Variants in SLC9C1 observed in about 807,000 individuals in gnomAD.
SLC9C1 encodes the protein solute carrier family 9 member C1.
A neutral mutation model predicts 140.9 loss-of-function variants in SLC9C1; 97 were observed. The ratio of observed to expected loss-of-function variants is 0.69; its 90% CI spans 0.58 to 0.82. SLC9C1 has a LOEUF of 0.82. Among genes scored for constraint, SLC9C1 ranks in the 40% least tolerant of loss-of-function variants. The pLI is 0.00. For missense variants in SLC9C1, 1,340 were observed against 1,389.3 expected (o/e 0.96, Z 0.56); for synonymous variants, 440 against 442.6 (o/e 0.99, Z 0.07).
intron 12 of SLC9C1, among the ~76,000 whole-genome samples, chr3:112,236,416 A>C (rs1343980583): frequency 6.6e-6 from 1 of 152,084 alleles, no homozygotes; most frequent in Non-Finnish European, 1.5e-5. Flanking sequence ...TTTTCAAAAA[A>C]CCAGCTCCTG....
chr3:112,268,669 G>A (rs926928009), intron 7 of SLC9C1, among the ~76,000 whole-genome samples: 9 of 152,126 alleles, frequency 5.9e-5, no homozygotes, highest in African/African-American at 2.2e-4. Context: ...TTTTCTATAT[G>A]ATATAAAATG....
At chr3:112,207,746 C>G (rs2078095553) in intron 16 of SLC9C1, among the ~76,000 whole-genome samples, 2 of 152,118 alleles carry the variant, frequency 1.3e-5, no homozygotes, top group Non-Finnish European at 2.9e-5. Context: ...GAATACCTTC[C>G]TTCTCCGACC....
intron 15 of SLC9C1, among the ~76,000 whole-genome samples, chr3:112,210,613 C>T (rs1185648911): frequency 6.6e-6 from 1 of 152,168 alleles, no homozygotes; most frequent in African/African-American, 2.4e-5. Context: ...CTAAATTATA[C>T]ACTTTAAAAT....
At position 112,286,854 on chromosome 3, in the gene SLC9C1, GT is replaced by G; in HGVS notation, c.-64del. ...CAATCTCCATATGATCATCCATCTT[GT>G]TGTTTTTCACAGTCCATCTGAATCT... is the stretch of plus-strand genomic sequence containing the variant. On this transcript the variant is annotated 5_prime_UTR_variant, in exon 2 of 29. An upstream open reading frame in the 5' UTR loses its in-frame stop. Transcript: ENST00000305815. The G allele has an allele frequency of 1.7e-6, 2 of 1,178,542 alleles. No homozygotes were observed. Among genetic ancestry groups the G allele is most frequent in the Non-Finnish European group, 2.4e-6 (2 of 826,860 alleles). 73.0% of individuals were successfully genotyped at this position (1,178,542 alleles called of 1,614,324 possible).
At chr3:112,200,266 C>T (rs1206575093) in intron 19 of SLC9C1, among the ~76,000 whole-genome samples, 1 of 152,112 alleles carries the variant, frequency 6.6e-6, no homozygotes, top group African/African-American at 2.4e-5. Flanking sequence ...GGCCTCCCAG[C>T]AGATATAACA....
chr3:112,219,402 A>G (rs1023407478), intron 14 of SLC9C1, among the ~76,000 whole-genome samples: 1 of 152,186 alleles, frequency 6.6e-6, no homozygotes, highest in African/African-American at 2.4e-5. Flanking sequence ...ACTGGCATAT[A>G]TTGGTAATAT....
chr3:112,263,368 A>G (rs991414447), intron 9 of SLC9C1, among the ~76,000 whole-genome samples: 5 of 151,920 alleles, frequency 3.3e-5, no homozygotes, highest in Admixed American at 3.3e-4. Context: ...CTTCAGGAGG[A>G]AAAAGAAAAG....
intron 26 of SLC9C1, among the ~76,000 whole-genome samples, chr3:112,157,680 T>G (rs6796926): frequency 0.99 from 150,050 of 151,924 alleles, 74,133 homozygotes; most frequent in East Asian, 1. Context: ...TTTTTTGTGT[T>G]CCTTCTTTGA....
chr3:112,293,470 T>C (rs2080749445), intron 1 of SLC9C1, among the ~76,000 whole-genome samples: 1 of 152,198 alleles, frequency 6.6e-6, no homozygotes, highest in Non-Finnish European at 1.5e-5. Context: ...AACAGTCTTC[T>C]TCCTTCAGAT....
At chr3:112,191,046 A>G (rs1217213520) in intron 20 of SLC9C1, among the ~76,000 whole-genome samples, 2 of 151,956 alleles carry the variant, frequency 1.3e-5, no homozygotes, top group Non-Finnish European at 2.9e-5. Context: ...TTTCATTATA[A>G]CATTTGTATA....
rs373812557 is a variant in SLC9C1, at chr3:112,206,648, G to A, written c.1986+1530C>T. On this transcript the variant is annotated intron_variant, in intron 16 of 28. Transcript: ENST00000305815. ...GAAAATGTGGCCCATATACACCATG[G>A]AATACTACGCAGCCATAAAAAAGGA... is the stretch of plus-strand genomic sequence containing the variant. Among the ~76,000 whole-genome samples the A allele has an allele frequency of 7.4e-4, 113 of 152,208 alleles. 1 individual carries two copies. The highest frequency in any genetic ancestry group is 4.2e-3 in the East Asian group (22 of 5,186).
chr3:112,212,093 CAG>C (rs1354046394), intron 15 of SLC9C1, among the ~76,000 whole-genome samples: 1 of 152,234 alleles, frequency 6.6e-6, no homozygotes, highest in African/African-American at 2.4e-5. Flanking sequence ...CCCAGGCAAA[CAG>C]GGTCTGGAGT....
intron 28 of SLC9C1, among the ~76,000 whole-genome samples, chr3:112,148,762 TGGG>T (rs1317845208): frequency 1.3e-5 from 2 of 152,058 alleles, no homozygotes; most frequent in Non-Finnish European, 2.9e-5. Flanking sequence ...CTTGAGGGGA[TGGG>T]GAGTAGGAGC....
At chr3:112,193,787 G>T (rs2077713961) in intron 20 of SLC9C1, among the ~76,000 whole-genome samples, 1 of 152,114 alleles carries the variant, frequency 6.6e-6, no homozygotes, top group Admixed American at 6.5e-5. Flanking sequence ...AGACACAGTG[G>T]TTAGGCCATT....
At chr3:112,174,494 G>A (rs552098626) in intron 23 of SLC9C1, among the ~76,000 whole-genome samples, 1 of 152,320 alleles carries the variant, frequency 6.6e-6, no homozygotes, top group South Asian at 2.1e-4. Flanking sequence ...TGTGGCAGTG[G>A]AGGGAGCGGG....
At chr3:112,249,613 T>A (rs911730829) in intron 10 of SLC9C1, among the ~76,000 whole-genome samples, 4 of 152,172 alleles carry the variant, frequency 2.6e-5, no homozygotes, top group African/African-American at 7.2e-5. Context: ...CAGAATCAAT[T>A]TTGGAACTCG....
At chr3:112,150,351 T>C (rs2107848740) in intron 28 of SLC9C1, among the ~76,000 whole-genome samples, 1 of 152,170 alleles carries the variant, frequency 6.6e-6, no homozygotes, top group Admixed American at 6.5e-5. Context: ...AACAAAGTGG[T>C]CTCTCTTGGC....
intron 21 of SLC9C1, among the ~76,000 whole-genome samples, chr3:112,181,116 T>C (rs2077431917): frequency 6.6e-6 from 1 of 152,198 alleles, no homozygotes; most frequent in Admixed American, 6.5e-5. Context: ...TTTGATAATA[T>C]CTGAAATATA....
intron 1 of SLC9C1, among the ~76,000 whole-genome samples, chr3:112,288,108 T>A (rs2080571515): frequency 1.4e-5 from 2 of 147,318 alleles, no homozygotes; most frequent in East Asian, 4.0e-4. Flanking sequence ...ACCTGGCAAA[T>A]TTTTTTTTCA....
Sources: allele counts gnomAD v4.1 joint callset (sites outside exome capture counted in the v4.1 genomes callset), GRCh38; gene constraint gnomAD v4.1.1; transcripts MANE v1.5; gene names NCBI Gene and HGNC (gene_info 2026-07-23, HGNC 2026-07-21).